The following UBE2D2 variants were observed in gnomAD, a reference collection of about 807,000 sequenced individuals.
The protein encoded by UBE2D2 is ubiquitin conjugating enzyme E2 D2.
A neutral mutation model predicts 24.2 loss-of-function variants in UBE2D2; 2 were observed. That is an observed-to-expected ratio of 0.08 (90% CI 0.03 to 0.26). The LOEUF (loss-of-function observed/expected upper bound fraction) is 0.26. UBE2D2 is among the 10% of genes least tolerant of loss of function. The pLI is 1.00. For missense variants in UBE2D2, 44 were observed against 177.6 expected (o/e 0.25, Z 4.28); for synonymous variants, 58 against 56.5 (o/e 1.03, Z -0.12).
rs371142139 is a variant in UBE2D2 at position 139,614,994 on chromosome 5, A to G, written c.304+28A>G. 3 of 1,559,496 alleles carry G rather than the reference A, an allele frequency of 1.9e-6. No individual in the cohort carries two copies. The East Asian group carries it at 6.7e-5, about 35-fold the overall frequency. On this transcript the variant is annotated intron_variant, in intron 5 of 6. Coordinates refer to ENST00000398733, the MANE Select transcript of UBE2D2 (RefSeq NM_003339.3). ...AACAGTGGGTATTTGATATCAAGAT[A>G]AAGCAACCGTGTCTTTTGTCTTTTT...
intron 1 of UBE2D2, among the ~76,000 whole-genome samples, chr5:139,571,093 A>T (rs1200573512): frequency 2.0e-5 from 3 of 152,110 alleles, no homozygotes; most frequent in African/African-American, 7.2e-5. Context: ...GTGAGTTGTT[A>T]GGGATTTCCT....
At chr5:139,576,643 A>G (rs1463432727) in intron 1 of UBE2D2, among the ~76,000 whole-genome samples, 1 of 152,056 alleles carries the variant, frequency 6.6e-6, no homozygotes, top group Non-Finnish European at 1.5e-5. Context: ...CTGGGATTAC[A>G]GGTATGAGCC....
intron 1 of UBE2D2, among the ~76,000 whole-genome samples, chr5:139,568,433 G>T (rs547889253): frequency 6.6e-6 from 1 of 152,022 alleles, no homozygotes; most frequent in East Asian, 1.9e-4. Flanking sequence ...GCCAAGACAG[G>T]TGGATCACAA....
At chr5:139,560,759 A>AT (rs1197040124), upstream of UBE2D2, among the ~76,000 whole-genome samples, 1 of 152,178 alleles carries the variant, frequency 6.6e-6, no homozygotes, top group Non-Finnish European at 1.5e-5. Flanking sequence ...GCACACATAC[A>AT]TGCCAGTGGC....
In UBE2D2 at chr5:139,548,184, TAAAAA is replaced by T. The variant is rs1420608616; in HGVS notation, c.-64+21580_-64+21584del. ...GTCTCAAAAAAAAAAAAAAAAAAAA[TAAAAA>T]AAAAAAATAAATAAATAAATAAATA... On this transcript the variant is annotated intron_variant, in intron 1 of 6. Transcript: ENST00000511725. Among the ~76,000 whole-genome samples the T allele has an allele frequency of 2.1e-4, 10 of 46,888 alleles. No homozygotes were observed. In the East Asian group the frequency reaches 3.3e-3, roughly 15 times the overall value. The allele number at this position is 46,888 out of a possible 152,430, so 30.8% of individuals were successfully genotyped here.
At chr5:139,531,663 A>G (rs1253600741) in intron 1 of UBE2D2, among the ~76,000 whole-genome samples, 3 of 151,442 alleles carry the variant, frequency 2.0e-5, no homozygotes, top group Non-Finnish European at 4.4e-5. Flanking sequence ...GAAAGAAAAG[A>G]AAAGAAAATA....
chr5:139,601,519 G>A (rs1224057833), intron 2 of UBE2D2, among the ~76,000 whole-genome samples: 1 of 152,138 alleles, frequency 6.6e-6, no homozygotes, highest in Admixed American at 6.6e-5. Context: ...AAGGTGGGAG[G>A]TTTGCTTTAG....
chr5:139,534,973 T>C (rs1365686487), intron 1 of UBE2D2, among the ~76,000 whole-genome samples: 2 of 150,906 alleles, frequency 1.3e-5, no homozygotes, highest in African/African-American at 4.9e-5. Context: ...ACCTTGTCTC[T>C]GCTAAAAATA....
At chr5:139,527,764 T>A (rs1752557896) in intron 1 of UBE2D2, among the ~76,000 whole-genome samples, 2 of 152,230 alleles carry the variant, frequency 1.3e-5, no homozygotes, top group Non-Finnish European at 2.9e-5. Flanking sequence ...ATTAAAAAAA[T>A]TTTAAGCAAA....
At chr5:139,562,549 A>C in intron 1 of UBE2D2, 1 of 915,560 alleles carries the variant, frequency 1.1e-6, no homozygotes, top group Middle Eastern at 3.8e-4. Context: ...TAGAGGTAGA[A>C]ACCTGAACAT....
At chr5:139,623,646 T>C (rs529172408) in intron 6 of UBE2D2, 185 bp downstream of exon 6, 91 of 450,090 alleles carry the variant, frequency 2.0e-4, no homozygotes, top group Middle Eastern at 9.4e-4. Flanking sequence ...GCCAGTCTTA[T>C]CCCTGATTGT....
At chr5:139,597,055 T>A (rs1753977814) in intron 1 of UBE2D2, among the ~76,000 whole-genome samples, 1 of 151,076 alleles carries the variant, frequency 6.6e-6, no homozygotes, top group Non-Finnish European at 1.5e-5. Flanking sequence ...AAAAAAAAAA[T>A]TACATTAAAA....
chr5:139,590,725 G>T (rs1337018284), intron 1 of UBE2D2, among the ~76,000 whole-genome samples: 1 of 149,226 alleles, frequency 6.7e-6, no homozygotes, highest in Non-Finnish European at 1.5e-5. Flanking sequence ...ATAGTATGGC[G>T]ATGTTAAGAC....
intron 5 of UBE2D2, among the ~76,000 whole-genome samples, chr5:139,622,047 A>G (rs1754521513): frequency 6.6e-6 from 1 of 152,192 alleles, no homozygotes. Flanking sequence ...AGCCAGGGAC[A>G]TTGAACACGT....
rs941221377 is a variant in UBE2D2 at position 139,561,687 on chromosome 5, C to T, written c.-105C>T. On this transcript the variant is annotated 5_prime_UTR_variant, in exon 1 of 7. Coordinates refer to ENST00000398733, the MANE Select transcript of UBE2D2 (RefSeq NM_003339.3). ...GCTTTCCTCAACTCTCCATCTTCTCCTGCCGACCGAGATCGCCGAGGCGGC... is the reference window on the plus strand; with the variant it reads ...GCTTTCCTCAACTCTCCATCTTCTCTTGCCGACCGAGATCGCCGAGGCGGC... 6.7e-6 allele frequency: 6 copies of T among 898,942 alleles called. No individual in the cohort carries two copies. The highest frequency in any genetic ancestry group is 6.6e-5 in the East Asian group (2 of 30,426). 55.7% of individuals were successfully genotyped at this position (898,942 alleles called of 1,614,324 possible).
chr5:139,527,756 TA>T (rs1304943354), intron 1 of UBE2D2, among the ~76,000 whole-genome samples: 1 of 152,208 alleles, frequency 6.6e-6, no homozygotes, highest in Non-Finnish European at 1.5e-5. Context: ...AAAATTTTAT[TA>T]AAAAAATTTT....
In UBE2D2 at chr5:139,628,099, A is replaced by C. The variant is rs1234315157; in HGVS notation, c.*1298A>C. 1 of 152,658 alleles carries C rather than the reference A, an allele frequency of 6.6e-6. No individual in the cohort carries two copies. The highest frequency in any genetic ancestry group is 1.5e-5 in the Non-Finnish European group (1 of 68,034). 9.5% of individuals were successfully genotyped at this position (152,658 alleles called of 1,614,324 possible). A position where few individuals can be genotyped will look rare whatever the true frequency, so the allele number is the denominator to read the frequency against. On this transcript the variant is annotated 3_prime_UTR_variant, in exon 7 of 7. Transcript: ENST00000398733. ...GCAACATTGACCAAACCTGGGAAACAAGAGCACAGTCTTGTTTGGAGAGTC... is the reference window on the plus strand; with the variant it reads ...GCAACATTGACCAAACCTGGGAAACCAGAGCACAGTCTTGTTTGGAGAGTC...
intron 2 of UBE2D2, among the ~76,000 whole-genome samples, chr5:139,613,690 AAG>A (rs559929227): frequency 2.0e-5 from 3 of 152,078 alleles, no homozygotes; most frequent in Non-Finnish European, 4.4e-5. Flanking sequence ...AGACCTACAC[AAG>A]AGTTTTTAGA....
intron 1 of UBE2D2, among the ~76,000 whole-genome samples, chr5:139,541,337 C>T (rs1374915593): frequency 1.4e-5 from 2 of 147,932 alleles, no homozygotes; most frequent in Admixed American, 6.8e-5. Flanking sequence ...CATGGTGGCT[C>T]ACGCTTATAA....
Sources: allele counts gnomAD v4.1 joint callset (sites outside exome capture counted in the v4.1 genomes callset), GRCh38; gene constraint gnomAD v4.1.1; transcripts MANE v1.5; gene names NCBI Gene and HGNC (gene_info 2026-07-23, HGNC 2026-07-21).